Variants in PCDH9 observed in about 807,000 individuals in gnomAD.
PCDH9 encodes protocadherin-9.
PCDH9 carries 24 observed loss-of-function variants against 70.6 expected under a neutral mutation model. The ratio of observed to expected loss-of-function variants is 0.34; its 90% CI spans 0.25 to 0.48. The LOEUF (loss-of-function observed/expected upper bound fraction) is 0.48. PCDH9 is among the 20% of genes least tolerant of loss of function. The pLI, the probability that PCDH9 is intolerant of heterozygous loss-of-function variation, is 0.99. For synonymous variants in PCDH9, 562 were observed against 558.5 expected (o/e 1.01, Z -0.09); for missense variants, 1,281 against 1,503.6 (o/e 0.85, Z 2.45).
intron 2 of PCDH9, among the ~76,000 whole-genome samples, chr13:67,046,461 T>A (rs1272501104): frequency 6.6e-6 from 1 of 152,166 alleles, no homozygotes; most frequent in African/African-American, 2.4e-5. Flanking sequence ...TAAAAAGGCA[T>A]AGCTTTTTAA....
intron 3 of PCDH9, among the ~76,000 whole-genome samples, chr13:66,694,781 C>T (rs559467095): frequency 1.3e-5 from 2 of 151,926 alleles, no homozygotes; most frequent in African/African-American, 4.8e-5. Flanking sequence ...AGTTGTTTCT[C>T]ATTCGTGTTT....
At chr13:66,487,709 T>C (rs556482021) in intron 4 of PCDH9, among the ~76,000 whole-genome samples, 1 of 152,280 alleles carries the variant, frequency 6.6e-6, no homozygotes, top group African/African-American at 2.4e-5. Context: ...CCCTATCAAG[T>C]TATGATTTTA....
intron 2 of PCDH9, chr13:67,217,085 C>T (rs1028771473): frequency 6.6e-6 from 1 of 152,034 alleles, no homozygotes; most frequent in Admixed American, 6.6e-5. Flanking sequence ...GCTGCTATCA[C>T]ACAGAGGCAC....
At chr13:66,970,329 GAA>G (rs760123681) in intron 2 of PCDH9, among the ~76,000 whole-genome samples, 40 of 151,780 alleles carry the variant, frequency 2.6e-4, no homozygotes, top group South Asian at 1.5e-3. Context: ...CAGCCCTTAA[GAA>G]AAAAATAGAG....
At chr13:67,026,266 T>G (rs2084778853) in intron 2 of PCDH9, among the ~76,000 whole-genome samples, 1 of 152,158 alleles carries the variant, frequency 6.6e-6, no homozygotes, top group South Asian at 2.1e-4. Context: ...ATTCAGGATT[T>G]TTGCATCAAT....
chr13:67,182,959 A>G (rs2138488834), intron 2 of PCDH9, among the ~76,000 whole-genome samples: 1 of 152,286 alleles, frequency 6.6e-6, no homozygotes, highest in East Asian at 1.9e-4. Flanking sequence ...GAAAATGAAC[A>G]AGAATGGCCC....
At chr13:66,681,259 C>T (rs908494327) in intron 3 of PCDH9, among the ~76,000 whole-genome samples, 5 of 152,022 alleles carry the variant, frequency 3.3e-5, no homozygotes, top group Admixed American at 6.6e-5. Context: ...CCAAACACAC[C>T]AGCTTCCAGT....
At chr13:66,945,603 T>C (rs2083075576) in intron 2 of PCDH9, among the ~76,000 whole-genome samples, 1 of 152,204 alleles carries the variant, frequency 6.6e-6, no homozygotes, top group African/African-American at 2.4e-5. Flanking sequence ...TTCTATGTAG[T>C]CCCTTGAAAC....
chr13:66,609,910 G>C (rs977826682), intron 4 of PCDH9, among the ~76,000 whole-genome samples: 6 of 151,116 alleles, frequency 4.0e-5, no homozygotes, highest in Non-Finnish European at 8.8e-5. Context: ...AGAAGGACTA[G>C]GTCTGAGAAC....
rs556170770 is a variant in PCDH9 at position 66,894,870 on chromosome 13, C to T, written c.3138+8634G>A. Among the ~76,000 whole-genome samples, 234 of 151,624 alleles carry T rather than the reference C, an allele frequency of 1.5e-3. 1 individual carries two copies. The highest frequency in any genetic ancestry group is 4.8e-3 in the South Asian group (23 of 4,814). On this transcript the variant is annotated intron_variant, in intron 3 of 4. Transcript: ENST00000377865. ...TTGCCCAGGCTGGAGTGCAGTGGCA[C>T]GATCTCAGCTTACTGCAACCTCCGA...
intron 4 of PCDH9, among the ~76,000 whole-genome samples, chr13:66,445,042 C>CTATATATAAAA (rs1958044585): frequency 6.9e-6 from 1 of 145,904 alleles, no homozygotes; most frequent in Non-Finnish European, 1.5e-5. Context: ...GATCTTTTCA[C>CTATATATAAAA]TATATATATA....
At chr13:66,755,317 A>G (rs779529367) in intron 3 of PCDH9, among the ~76,000 whole-genome samples, 3 of 152,296 alleles carry the variant, frequency 2.0e-5, no homozygotes, top group Non-Finnish European at 4.4e-5. Flanking sequence ...TGTATTGTAA[A>G]CACTCTTGAG....
chr13:67,082,341 T>C (rs998681456), intron 2 of PCDH9, among the ~76,000 whole-genome samples: 28 of 152,208 alleles, frequency 1.8e-4, no homozygotes, highest in Non-Finnish European at 3.1e-4. Flanking sequence ...AAGCAAGCAG[T>C]ATCTGTCTGT....
At chr13:66,595,007 C>T (rs2077085364) in intron 4 of PCDH9, among the ~76,000 whole-genome samples, 1 of 145,030 alleles carries the variant, frequency 6.9e-6, no homozygotes, top group Non-Finnish European at 1.5e-5. Flanking sequence ...AAAAAAAAAA[C>T]TTAAAATCCT....
intron 3 of PCDH9, among the ~76,000 whole-genome samples, chr13:66,751,642 C>A (rs1337928353): frequency 1.3e-5 from 2 of 152,194 alleles, no homozygotes; most frequent in African/African-American, 2.4e-5. Flanking sequence ...TTCAATAAGA[C>A]TCTTTACTTC....
At chr13:66,498,531 C>T (rs1959152833) in intron 4 of PCDH9, among the ~76,000 whole-genome samples, 1 of 152,042 alleles carries the variant, frequency 6.6e-6, no homozygotes, top group Admixed American at 6.5e-5. Context: ...TACTGACTTC[C>T]TCAATATCCC....
chr13:66,964,733 A>G (rs901056067), intron 2 of PCDH9, among the ~76,000 whole-genome samples: 7 of 152,086 alleles, frequency 4.6e-5, no homozygotes, highest in African/African-American at 1.7e-4. Flanking sequence ...ATGCTATTTC[A>G]GAAATATTCC....
At chr13:66,541,763 C>G (rs775699011) in intron 4 of PCDH9, among the ~76,000 whole-genome samples, 6 of 152,160 alleles carry the variant, frequency 3.9e-5, no homozygotes, top group Non-Finnish European at 8.8e-5. Flanking sequence ...TCCAAATGGA[C>G]ATGAGTTTCG....
At chr13:66,790,039 T>C (rs565269349) in intron 3 of PCDH9, among the ~76,000 whole-genome samples, 46 of 152,230 alleles carry the variant, frequency 3.0e-4, no homozygotes, top group Non-Finnish European at 4.9e-4. Flanking sequence ...TGCTAAACGT[T>C]TTTAAGGTGG....
Sources: gnomAD v4.1 joint callset for allele counts (sites outside exome capture counted in the v4.1 genomes callset) on GRCh38, gnomAD v4.1.1 for gene constraint, MANE v1.5 for transcripts, NCBI Gene and HGNC (gene_info 2026-07-23, HGNC 2026-07-21) for gene names.